PLXNA4: variants seen among roughly 807,000 people sequenced by gnomAD.
PLXNA4 encodes the protein plexin A4.
PLXNA4 carries 44 observed loss-of-function variants against 191.8 expected under a neutral mutation model. That is an observed-to-expected ratio of 0.23 (90% CI 0.18 to 0.29). PLXNA4 has a LOEUF of 0.29. Ranked by LOEUF, PLXNA4 falls within the 10% of genes least tolerant of loss-of-function variation. PLXNA4 has a pLI of 1.00. For missense variants in PLXNA4, 1,800 were observed against 2,488.8 expected, an observed-to-expected ratio of 0.72 and a Z score of 5.89; for synonymous variants, 1,082 against 1,009.5, an observed-to-expected ratio of 1.07 and a Z score of -1.36.
rs143690954 is a variant in PLXNA4, at chr7:132,228,351, C to T, written c.1723G>A (p.Val575Met). The change falls in exon 6 of 32, where the codon GTG becomes ATG. Residue 575 changes from valine to methionine, a missense_variant. Val to Met is a conservative substitution (Grantham distance 21). Around this residue, in one of 6 missense-constraint regions of PLXNA4, gnomAD observed 1,397 missense variants for 1,880.4 expected, o/e 0.74. Coordinates refer to ENST00000321063, the MANE Select transcript of PLXNA4 (RefSeq NM_020911.2). ...PNNISVSQYN[V>M]LLVLETYNVP... is the part of the protein sequence containing the mutation. ...CCAACCCCCACGACCCTTACCAGCA[C>T]GTTGTACTGAGAGACGGAGATATTG... The T allele has an allele frequency of 5.0e-6, 8 of 1,614,088 alleles. No individual in the cohort carries two copies. Among genetic ancestry groups the T allele is most frequent in the East Asian group, 4.5e-5 (2 of 44,854 alleles).
At chr7:132,323,914 T>G (rs1418958695) in intron 3 of PLXNA4, among the ~76,000 whole-genome samples, 1 of 152,092 alleles carries the variant, frequency 6.6e-6, no homozygotes, top group African/African-American at 2.4e-5. Flanking sequence ...GCAGAAATGA[T>G]GCAATTCTAC....
intron 13 of PLXNA4, among the ~76,000 whole-genome samples, chr7:132,196,214 G>T (rs1797249539): frequency 6.6e-6 from 1 of 152,216 alleles, no homozygotes; most frequent in African/African-American, 2.4e-5. Context: ...AAGTGGCAGA[G>T]CCAGGGCTCT....
rs543292567 is a variant in PLXNA4, at chr7:132,377,754, G to A, written c.1372-79532C>T. 1.9e-4 allele frequency among the ~76,000 whole-genome samples: 29 copies of A among 152,304 alleles called. No individual in the cohort carries two copies. The South Asian group carries it at 5.8e-3, about 30-fold the overall frequency. On this transcript the variant is annotated intron_variant, in intron 3 of 31. Coordinates refer to ENST00000321063, the MANE Select transcript of PLXNA4 (RefSeq NM_020911.2). ...TTGCAAATCCCTTTGCTCTCCAGAA[G>A]ATATCTGTGAGCAGGAAGGTATGGC...
In PLXNA4 at chr7:132,161,070, C is replaced by T. The variant is rs1186324337; in HGVS notation, c.4501-1438G>A. ...CCCCTCCTTCTAAGAGTCTTCTGGCCCCTTCCCTCTGCTCAGCAGCCAGGC... is the reference window on the plus strand; with the variant it reads ...CCCCTCCTTCTAAGAGTCTTCTGGCTCCTTCCCTCTGCTCAGCAGCCAGGC... On this transcript the variant is annotated intron_variant, in intron 24 of 31. Transcript: ENST00000321063. 3.9e-5 allele frequency among the ~76,000 whole-genome samples: 6 copies of T among 152,286 alleles called. No homozygotes were observed. In the East Asian group the frequency reaches 9.7e-4, roughly 25 times the overall value.
chr7:132,522,528 G>A (rs1052720611), intron 1 of PLXNA4, among the ~76,000 whole-genome samples: 1 of 152,222 alleles, frequency 6.6e-6, no homozygotes, highest in African/African-American at 2.4e-5. Context: ...CAGCACTTTA[G>A]GATGCCAAGG....
intron 9 of PLXNA4, among the ~76,000 whole-genome samples, chr7:132,222,990 G>C (rs528756918): frequency 6.6e-6 from 1 of 152,292 alleles, no homozygotes; most frequent in South Asian, 2.1e-4. Flanking sequence ...AGAAGACTTC[G>C]TGTTTCTAGC....
intron 4 of PLXNA4, among the ~76,000 whole-genome samples, chr7:132,278,119 T>A (rs115745892): frequency 0.012 from 1,830 of 152,350 alleles, 31 homozygotes; most frequent in African/African-American, 0.041. Flanking sequence ...AGAGTTATTT[T>A]CTATGCAGAA....
chr7:132,514,212 T>C (rs1018551434), intron 1 of PLXNA4, among the ~76,000 whole-genome samples: 2 of 151,768 alleles, frequency 1.3e-5, no homozygotes, highest in Admixed American at 6.6e-5. Context: ...CCACCATGCT[T>C]GGCTAATTTT....
At chr7:132,330,815 T>C (rs1802562334) in intron 3 of PLXNA4, among the ~76,000 whole-genome samples, 1 of 152,240 alleles carries the variant, frequency 6.6e-6, no homozygotes, top group African/African-American at 2.4e-5. Flanking sequence ...GTGCACCATG[T>C]ATCCCTACTT....
intron 3 of PLXNA4, among the ~76,000 whole-genome samples, chr7:132,365,702 G>T (rs1804151128): frequency 6.6e-6 from 1 of 152,220 alleles, no homozygotes; most frequent in Non-Finnish European, 1.5e-5. Flanking sequence ...ACAGGCATCA[G>T]CAAGTAAATC....
upstream of PLXNA4, among the ~76,000 whole-genome samples, chr7:132,580,852 A>C (rs1028185442): frequency 2.0e-5 from 3 of 152,220 alleles, no homozygotes; most frequent in African/African-American, 7.2e-5. Context: ...ACTGGATAGA[A>C]AAACCACAGG....
intron 1 of PLXNA4, among the ~76,000 whole-genome samples, chr7:132,561,954 T>C (rs1270803351): frequency 1.4e-5 from 2 of 139,882 alleles, no homozygotes; most frequent in Non-Finnish European, 1.5e-5. Flanking sequence ...CTCCTCTTTC[T>C]CCTCCTCCTC....
intron 1 of PLXNA4, among the ~76,000 whole-genome samples, chr7:132,538,270 G>A (rs750590540): frequency 2.4e-4 from 36 of 152,154 alleles, no homozygotes; most frequent in East Asian, 3.9e-4. Context: ...TGGTGCTCCC[G>A]AAGCGGAGAC....
chr7:132,231,795 C>G (rs1426038120), intron 5 of PLXNA4, among the ~76,000 whole-genome samples: 2 of 152,214 alleles, frequency 1.3e-5, no homozygotes, highest in East Asian at 3.8e-4. Context: ...ACGGCTGCAG[C>G]AGTTTTCCTC....
At chr7:132,563,659 C>T in intron 1 of PLXNA4, among the ~76,000 whole-genome samples, 1 of 124,990 alleles carries the variant, frequency 8.0e-6, no homozygotes, top group East Asian at 2.7e-4. Flanking sequence ...TCTCCTCTTC[C>T]TCCTCCTTCT....
intron 3 of PLXNA4, among the ~76,000 whole-genome samples, chr7:132,452,944 G>C (rs1796177217): frequency 6.6e-6 from 1 of 152,138 alleles, no homozygotes. Context: ...GGAACCTGGG[G>C]GTTCAGAAGA....
At chr7:132,575,003 C>T (rs962236980) in intron 1 of PLXNA4, among the ~76,000 whole-genome samples, 2 of 152,132 alleles carry the variant, frequency 1.3e-5, no homozygotes. Context: ...AGGGTACAAG[C>T]TTATTCAGTT....
rs199973455 is a variant in PLXNA4 at position 132,190,049 on chromosome 7, G to A, written c.2857-2442C>T. Among the ~76,000 whole-genome samples the A allele has an allele frequency of 7.4e-4, 112 of 152,284 alleles. 1 individual carries two copies. Among genetic ancestry groups the A allele is most frequent in the East Asian group, 1.5e-3 (8 of 5,174 alleles). On this transcript the variant is annotated intron_variant, in intron 14 of 31. Transcript: ENST00000321063. Reference sequence around the variant, plus strand: ...TGCATATTTGCCTGTGGCAACCTCTGTCATCTGTCCTGACCTGCCTCTGCT... The same window carrying A: ...TGCATATTTGCCTGTGGCAACCTCTATCATCTGTCCTGACCTGCCTCTGCT...
At chr7:132,401,001 A>G (rs1386360870) in intron 3 of PLXNA4, among the ~76,000 whole-genome samples, 1 of 152,050 alleles carries the variant, frequency 6.6e-6, no homozygotes, top group Non-Finnish European at 1.5e-5. Context: ...CCAGAAGAGG[A>G]CTCCAGCGAC....
Sources: allele counts gnomAD v4.1 joint callset (sites outside exome capture counted in the v4.1 genomes callset), GRCh38; gene constraint gnomAD v4.1.1; regional missense constraint gnomAD v4.1.1; transcripts MANE v1.5; gene names NCBI Gene and HGNC (gene_info 2026-07-23, HGNC 2026-07-21).